KCNQ4: variants seen among roughly 807,000 people sequenced by gnomAD.
KCNQ4 encodes the protein potassium voltage-gated channel subfamily KQT member 4.
KCNQ4 carries 31 observed loss-of-function variants against 72.6 expected under a neutral mutation model. The ratio of observed to expected loss-of-function variants is 0.43; its 90% CI spans 0.32 to 0.58. The LOEUF (loss-of-function observed/expected upper bound fraction) is 0.58, where lower values mean the gene tolerates loss of function less well. Among genes scored for constraint, KCNQ4 ranks in the 20% least tolerant of loss-of-function variants. The probability of loss-of-function intolerance (pLI) is 0.08; values close to 1 mark genes in which losing one functional copy is unlikely to be tolerated. For missense variants in KCNQ4, 869 were observed against 962.6 expected (o/e 0.90, Z 1.29); for synonymous variants, 405 against 403.7 (o/e 1.00, Z -0.04).
chr1:40,804,640 A>G (rs1647700652), intron 1 of KCNQ4, among the ~76,000 whole-genome samples: 1 of 151,248 alleles, frequency 6.6e-6, no homozygotes, highest in Non-Finnish European at 1.5e-5. Context: ...ACATGGGGAG[A>G]CCCTGTCTCT....
chr1:40,819,877 T>C lies in KCNQ4; in HGVS notation c.837T>C (p.Ile279=). ...SYADSLWWGT[I]TLTTIGYGDK... is the part of the protein sequence containing the mutation. Reference sequence around the variant, plus strand: ...CTGTAACCTGTTTGTGTCTCCAGATTACATTGACAACCATCGGCTATGGTG... The same window carrying C: ...CTGTAACCTGTTTGTGTCTCCAGATCACATTGACAACCATCGGCTATGGTG... Residue 279 remains isoleucine (I), a splice_region_variant and synonymous_variant, in exon 6 of 14, where the codon ATT becomes ATC. Transcript: ENST00000347132. 2 of 1,612,766 alleles carry C rather than the reference T, an allele frequency of 1.2e-6. No individual in the cohort carries two copies. Among genetic ancestry groups the C allele is most frequent in the Non-Finnish European group, 8.5e-7 (1 of 1,178,770 alleles).
chr1:40,819,881 T>A lies in KCNQ4; in HGVS notation c.841T>A (p.Leu281Met), dbSNP rs55737429. 6.2e-7 allele frequency: 1 copy of A among 1,613,272 alleles called. No homozygotes were observed. The highest frequency in any genetic ancestry group is 8.5e-7 in the Non-Finnish European group (1 of 1,179,220). ...ADSLWWGTIT[L>M]TTIGYGDKTP... Reference sequence around the variant, plus strand: ...AACCTGTTTGTGTCTCCAGATTACATTGACAACCATCGGCTATGGTGACAA... The same window carrying A: ...AACCTGTTTGTGTCTCCAGATTACAATGACAACCATCGGCTATGGTGACAA... The change falls in exon 6 of 14, where the codon TTG (leucine) becomes ATG (methionine). Residue 281 changes from leucine (L) to methionine (M), a missense_variant. Leu to Met is a conservative substitution (Grantham distance 15). Transcript: ENST00000347132.
At chr1:40,800,097 T>G (rs1360734438) in intron 1 of KCNQ4, among the ~76,000 whole-genome samples, 1 of 152,174 alleles carries the variant, frequency 6.6e-6, no homozygotes, top group African/African-American at 2.4e-5. Flanking sequence ...TTATGCCTAC[T>G]TCCAGGGTCT....
Position 40,831,200 on chromosome 1 carries a change from T to C in KCNQ4, c.1409T>C (p.Val470Ala). The change falls in exon 10 of 14, where the codon GTG becomes GCG. Residue 470 changes from valine to alanine, a missense_variant. Val to Ala is a moderately conservative substitution (Grantham distance 64). Around this residue, in one of 5 missense-constraint regions of KCNQ4, gnomAD observed 480 missense variants for 501.9 expected, o/e 0.96. Coordinates refer to ENST00000347132, the MANE Select transcript of KCNQ4 (RefSeq NM_004700.4). ...CCCACCTCCCCAAGCAGCGAGCAGG[T>C]GGGTGAGGCCACCAGCCCCACCAAG... Reference protein sequence around the residue: ...TMPTSPSSEQVGEATSPTKVQ... With the variant: ...TMPTSPSSEQAGEATSPTKVQ... 6.2e-7 allele frequency: 1 copy of C among 1,610,368 alleles called. No individual in the cohort carries two copies. The highest frequency in any genetic ancestry group is 8.5e-7 in the Non-Finnish European group (1 of 1,178,500).
At chr1:40,809,811 TC>T (rs1438560177) in intron 1 of KCNQ4, among the ~76,000 whole-genome samples, 1 of 152,156 alleles carries the variant, frequency 6.6e-6, no homozygotes, top group Non-Finnish European at 1.5e-5. Context: ...ACGCCTGTAA[TC>T]CCAGCACTTT....
At position 40,784,317 on chromosome 1, in the gene KCNQ4, C is replaced by T. The variant is rs1411591349; in HGVS notation, c.224C>T (p.Ala75Val). The part of the protein sequence containing the change: ...SGSACGQRSS[A>V]AHKRYRRLQN... ...TCCGCCTGCGGCCAGCGCTCCTCGG[C>T]CGCGCACAAGCGCTACCGCCGCCTG... The change falls in exon 1 of 14, where the codon GCC becomes GTC. Residue 75 changes from alanine to valine, a missense_variant. This residue lies in a region of KCNQ4 where 178 missense variants were observed against 145.3 expected (regional missense o/e 1.22). Coordinates refer to ENST00000347132, the MANE Select transcript of KCNQ4 (RefSeq NM_004700.4). The surrounding 1 kb of genome is among the most constrained non-coding windows in gnomAD (Gnocchi z 4.1). The T allele has an allele frequency of 1.2e-6, 2 of 1,606,342 alleles. No homozygotes were observed. Among genetic ancestry groups the T allele is most frequent in the East Asian group, 2.2e-5 (1 of 44,690 alleles).
chr1:40,822,750 A>G (rs967403092), intron 8 of KCNQ4, among the ~76,000 whole-genome samples: 1 of 152,322 alleles, frequency 6.6e-6, no homozygotes, highest in Non-Finnish European at 1.5e-5. Flanking sequence ...AATGGGGGAC[A>G]GAGTTAGTGG....
Position 40,822,357 on chromosome 1 carries a change from T to C in KCNQ4, c.1085T>C (p.Leu362Pro). Residue 362 changes from leucine (L) to proline (P), a missense_variant, in exon 8 of 14, where the codon CTG (leucine) becomes CCG (proline). By Grantham distance (98) the Leu-to-Pro change is moderately conservative. Transcript: ENST00000347132. The part of the protein sequence containing the change: ...LYSTDMSRAY[L>P]TATWYYYDSI... ...TCCACCGATATGAGCCGGGCCTACC[T>C]GACAGCCACCTGGTACTACTATGAC... 2 of 1,500,594 alleles carry C rather than the reference T, an allele frequency of 1.3e-6. No homozygotes were observed. Among genetic ancestry groups the C allele is most frequent in the Non-Finnish European group, 1.8e-6 (2 of 1,114,526 alleles). The allele number at this position is 1,500,594 out of a possible 1,614,324, so 93.0% of individuals were successfully genotyped here. A position where few individuals can be genotyped will look rare whatever the true frequency, so the allele number is the denominator to read the frequency against.
intron 11 of KCNQ4, among the ~76,000 whole-genome samples, chr1:40,833,766 G>GCTGAGA (rs1453347809): frequency 6.6e-6 from 1 of 150,702 alleles, no homozygotes; most frequent in African/African-American, 2.4e-5. Context: ...GGAGGCTGAG[G>GCTGAGA]CAAGAGAATC....
rs766533989 is a variant in KCNQ4 at position 40,817,382 on chromosome 1, G to C, written c.405+27G>C. On this transcript the variant is annotated intron_variant, in intron 2 of 13. Coordinates refer to ENST00000347132, the MANE Select transcript of KCNQ4 (RefSeq NM_004700.4). This position sits in a 1 kb window ranked among gnomAD's most constrained non-coding sequence, Gnocchi z 5.5. ...TAAGTGCTGGGAGTCCGGGACTGAG[G>C]GGGGCTGTGTGAGGTAGCACCTCTG... is the stretch of plus-strand genomic sequence containing the variant. The C allele has an allele frequency of 5.0e-6, 8 of 1,586,070 alleles. No individual in the cohort carries two copies. The African/African-American group carries it at 8.1e-5, about 16-fold the overall frequency.
intron 1 of KCNQ4, among the ~76,000 whole-genome samples, chr1:40,815,719 G>A (rs1648066683): frequency 6.6e-6 from 1 of 151,874 alleles, no homozygotes; most frequent in Admixed American, 6.6e-5. Context: ...CCCCCAAAAA[G>A]GTCAGGAACC....
chr1:40,806,183 C>A (rs1472565744), intron 1 of KCNQ4, among the ~76,000 whole-genome samples: 3 of 152,210 alleles, frequency 2.0e-5, no homozygotes, highest in Admixed American at 2.0e-4. Context: ...TAAAACTGAG[C>A]CACCCGAATC....
At chr1:40,811,127 A>T (rs1647920561) in intron 1 of KCNQ4, among the ~76,000 whole-genome samples, 1 of 152,128 alleles carries the variant, frequency 6.6e-6, no homozygotes, top group African/African-American at 2.4e-5. Flanking sequence ...GTGAGAACTC[A>T]TTAAGAACAT....
At chr1:40,824,902 C>T (rs997759998) in intron 9 of KCNQ4, among the ~76,000 whole-genome samples, 5 of 152,212 alleles carry the variant, frequency 3.3e-5, no homozygotes, top group Admixed American at 6.5e-5. Context: ...TCCTTCCTTA[C>T]TGAGGTACAC....
intron 1 of KCNQ4, among the ~76,000 whole-genome samples, chr1:40,798,994 G>A (rs2148301476): frequency 6.6e-6 from 1 of 152,386 alleles, no homozygotes; most frequent in South Asian, 2.1e-4. Context: ...CAGGCATGGG[G>A]TGGGCCCTGG....
chr1:40,833,179 C>T (rs1265189881), intron 11 of KCNQ4, 66 bp downstream of exon 11: 33 of 1,209,080 alleles, frequency 2.7e-5, no homozygotes, highest in South Asian at 3.7e-5. Flanking sequence ...CCCATCTGGG[C>T]GGGTGGATCA....
At chr1:40,836,642 C>T (rs1247096966) in intron 12 of KCNQ4, among the ~76,000 whole-genome samples, 1 of 151,986 alleles carries the variant, frequency 6.6e-6, no homozygotes, top group African/African-American at 2.4e-5. Context: ...AGAGGAGGAA[C>T]TAACAAAGGA....
chr1:40,793,261 G>A (rs972771860), intron 1 of KCNQ4, among the ~76,000 whole-genome samples: 6 of 151,730 alleles, frequency 4.0e-5, no homozygotes, highest in Non-Finnish European at 5.9e-5. Context: ...CGGTGGCCTC[G>A]GGAGCCACCA....
intron 1 of KCNQ4, among the ~76,000 whole-genome samples, chr1:40,795,591 G>A (rs1228645085): frequency 1.3e-5 from 2 of 152,044 alleles, no homozygotes; most frequent in Non-Finnish European, 2.9e-5. Context: ...CTTGCCATCA[G>A]AGGATCCCAC....
Sources: allele counts gnomAD v4.1 joint callset (sites outside exome capture counted in the v4.1 genomes callset), GRCh38; gene constraint gnomAD v4.1.1; regional missense constraint gnomAD v4.1.1; non-coding constraint Gnocchi (gnomAD v3.1); transcripts MANE v1.5; gene names NCBI Gene and HGNC (gene_info 2026-07-23, HGNC 2026-07-21).